The following TOE1 variants were observed in gnomAD, a reference collection of about 807,000 sequenced individuals.
The protein encoded by TOE1 is target of EGR1, exonuclease.
In TOE1, 50 loss-of-function variants were observed where a neutral mutation model predicts 49.2. That is an observed-to-expected ratio of 1.02 (90% confidence interval 0.81 to 1.29). The LOEUF (loss-of-function observed/expected upper bound fraction) is 1.29, where lower values mean the gene tolerates loss of function less well. Among genes scored for constraint, TOE1 ranks in the 50% most tolerant of loss-of-function variants. TOE1 has a pLI of 0.00. For synonymous variants in TOE1, 221 were observed against 247.0 expected (o/e 0.89, Z 0.99); for missense variants, 544 against 654.4 (o/e 0.83, Z 1.84).
chr1:45,341,530 T>G lies in TOE1; in HGVS notation c.294T>G (p.Leu98=), dbSNP rs745680636. The change falls in exon 4 of 8, where the codon CTT becomes CTG. Residue 98 remains leucine (L), a synonymous_variant. Transcript: ENST00000372090. ...ATGCTGCCAGGACCCGTTCTATCCT[T>G]TCCCTGGGCCTCGCCTGCTTCAAGC... ...VCHAARTRSI[L]SLGLACFKRQ... 3.7e-6 allele frequency: 6 copies of G among 1,614,036 alleles called. No homozygotes were observed. In the South Asian group the frequency reaches 6.6e-5, roughly 18 times the overall value.
rs1647067543 is a variant in TOE1, at chr1:45,342,882, A to C, written c.792A>C (p.Pro264=). 1 of 1,613,970 alleles carries C rather than the reference A, an allele frequency of 6.2e-7. No homozygotes were observed. ...ENGKQRAAGS[P]HLTLEFCNYP... is the part of the protein sequence containing the mutation. ...GGAAGCAGCGGGCAGCTGGCAGCCC[A>C]CACCTTACCCTGGAGTTCTGCAACT... Residue 264 remains proline (P), a synonymous_variant, in exon 7 of 8, where the codon CCA becomes CCC. Coordinates refer to ENST00000372090, the MANE Select transcript of TOE1 (RefSeq NM_025077.4).
At position 45,343,649 on chromosome 1, in the gene TOE1, C is replaced by T. The variant is rs372704059; in HGVS notation, c.1480C>T (p.Arg494Cys). 6.2e-6 allele frequency: 10 copies of T among 1,613,450 alleles called. No homozygotes were observed. The highest frequency in any genetic ancestry group is 7.6e-6 in the Non-Finnish European group (9 of 1,179,572). ...CACAGTGGCCAAGAGCCAGTTCTCT[C>T]GTTCCTCCAAAGCCCACAATCAGAA... ...PLTVAKSQFS[R>C]SSKAHNQKMK... is the part of the protein sequence containing the mutation. The change falls in exon 8 of 8, where the codon CGT becomes TGT. Residue 494 changes from arginine (R) to cysteine (C), a missense_variant. Arg to Cys is a radical substitution (Grantham distance 180, BLOSUM62 -3). Transcript: ENST00000372090. This position sits in a 1 kb window ranked among gnomAD's most constrained non-coding sequence, Gnocchi z 4.3.
chr1:45,341,393 G>C, intron 3 of TOE1, 50 bp downstream of exon 3: 4 of 1,614,070 alleles, frequency 2.5e-6, no homozygotes, highest in Non-Finnish European at 3.4e-6. Context: ...CTGTGGAGTG[G>C]GGGGGTCACA....
rs778870256 is a variant in TOE1 at position 45,341,525 on chromosome 1, A to G, written c.289A>G (p.Ile97Val). Reference sequence around the variant, plus strand: ...GTGTCATGCTGCCAGGACCCGTTCTATCCTTTCCCTGGGCCTCGCCTGCTT... The same window carrying G: ...GTGTCATGCTGCCAGGACCCGTTCTGTCCTTTCCCTGGGCCTCGCCTGCTT... Reference protein sequence around the residue: ...AVCHAARTRSILSLGLACFKR... With the variant: ...AVCHAARTRSVLSLGLACFKR... Residue 97 changes from isoleucine (I) to valine (V), a missense_variant, in exon 4 of 8, where the codon ATC (isoleucine) becomes GTC (valine). Ile to Val is a conservative substitution (Grantham distance 29, BLOSUM62 3). Coordinates refer to ENST00000372090, the MANE Select transcript of TOE1 (RefSeq NM_025077.4). 25 of 1,613,962 alleles carry G rather than the reference A, an allele frequency of 1.5e-5. No individual in the cohort carries two copies. Among genetic ancestry groups the G allele is most frequent in the Non-Finnish European group, 2.0e-5 (24 of 1,180,024 alleles).
At position 45,343,388 on chromosome 1, in the gene TOE1, A is replaced by G. The variant is rs1647085480; in HGVS notation, c.1219A>G (p.Ile407Val). The change falls in exon 8 of 8, where the codon ATT becomes GTT. Residue 407 changes from isoleucine to valine, a missense_variant. Coordinates refer to ENST00000372090, the MANE Select transcript of TOE1 (RefSeq NM_025077.4). The surrounding 1 kb of genome is among the most constrained non-coding windows in gnomAD (Gnocchi z 4.3). ...CAACAAAAATGACTTAGAGATGGGG[A>G]TTAAGGCAGCAAGGCCTGAAATAGC... is the stretch of plus-strand genomic sequence containing the variant. ...QGNKNDLEMG[I>V]KAARPEIADR... 2 of 1,613,984 alleles carry G rather than the reference A, an allele frequency of 1.2e-6. No individual in the cohort carries two copies. The highest frequency in any genetic ancestry group is 1.7e-6 in the Non-Finnish European group (2 of 1,180,026).
Position 45,341,349 on chromosome 1 carries a change from T to G in TOE1, c.236+6T>G. The G allele has an allele frequency of 6.2e-7, 1 of 1,614,058 alleles. No individual in the cohort carries two copies. Among genetic ancestry groups the G allele is most frequent in the Non-Finnish European group, 8.5e-7 (1 of 1,180,030 alleles). ...AGGAAGAGTTTGCTGAACCAGTAAG[T>G]ATAAGCCCTTTTCTCTTTAGTGCCA... On this transcript the variant is annotated splice_donor_region_variant and intron_variant, in intron 3 of 7. Transcript: ENST00000372090.
rs61789859 is a variant in TOE1 at position 45,341,261 on chromosome 1, G to A, written c.196-42G>A. 78,808 of 1,614,144 alleles carry A rather than the reference G, an allele frequency of 0.049. 2,214 individuals carry two copies. Among genetic ancestry groups the A allele is most frequent in the Middle Eastern group, 0.12 (747 of 6,058 alleles). On this transcript the variant is annotated intron_variant, in intron 2 of 7. Coordinates refer to ENST00000372090, the MANE Select transcript of TOE1 (RefSeq NM_025077.4). ...AGGGCAGGTGGTTGTGAAGGGGCTG[G>A]TGCTAGAGGCCTGTCACAACTCTCC...
rs1002321565 is a variant in TOE1 at position 45,342,684 on chromosome 1, A to G, written c.752+41A>G. ...AGGGAAAGGGGTGGGGCCTGATACG[A>G]GTTTATTTCATTCACTTAAGATATT... is the stretch of plus-strand genomic sequence containing the variant. On this transcript the variant is annotated intron_variant, in intron 6 of 7. Transcript: ENST00000372090. 5 of 1,607,470 alleles carry G rather than the reference A, an allele frequency of 3.1e-6. No individual in the cohort carries two copies. In the East Asian group the frequency reaches 8.9e-5, roughly 29 times the overall value.
chr1:45,340,528 C>G, intron 1 of TOE1: 1 of 1,419,880 alleles, frequency 7.0e-7, no homozygotes, highest in Admixed American at 2.9e-5. Context: ...GAGATGTAGT[C>G]TGGAGCTCAT....
At chr1:45,340,944 C>G (rs910954591) in intron 1 of TOE1, 129 bp from the exon 2 acceptor site, 57 of 1,369,960 alleles carry the variant, frequency 4.2e-5, no homozygotes, top group East Asian at 2.3e-5. Context: ...ACGTGGGTTA[C>G]AAAGGCTTGT....
At chr1:45,340,365 C>T in intron 1 of TOE1, 61 bp downstream of exon 1, 2 of 1,568,100 alleles carry the variant, frequency 1.3e-6, no homozygotes, top group Non-Finnish European at 1.7e-6. Context: ...GGGAAGGCCT[C>T]GGGCTCATAG....
chr1:45,343,047 T>C lies in TOE1; in HGVS notation c.913-35T>C, dbSNP rs1159871760. 4 of 1,613,448 alleles carry C rather than the reference T, an allele frequency of 2.5e-6. No homozygotes were observed. The highest frequency in any genetic ancestry group is 1.1e-5 in the South Asian group (1 of 91,068). On this transcript the variant is annotated intron_variant, in intron 7 of 7. Transcript: ENST00000372090. The surrounding 1 kb of genome is among the most constrained non-coding windows in gnomAD (Gnocchi z 4.3). ...TCTTGGGAGGGAAGGTTCTGATGCCTGGAGCCTCTTTCTAAGCCTCTTTCC... is the reference window on the plus strand; with the variant it reads ...TCTTGGGAGGGAAGGTTCTGATGCCCGGAGCCTCTTTCTAAGCCTCTTTCC...
chr1:45,343,419 G>A lies in TOE1; in HGVS notation c.1250G>A (p.Arg417Lys). 6.2e-7 allele frequency: 1 copy of A among 1,614,096 alleles called. No individual in the cohort carries two copies. The highest frequency in any genetic ancestry group is 8.5e-7 in the Non-Finnish European group (1 of 1,180,012). Residue 417 changes from arginine (R) to lysine (K), a missense_variant, in exon 8 of 8, where the codon AGA becomes AAA. Transcript: ENST00000372090. This position sits in a 1 kb window ranked among gnomAD's most constrained non-coding sequence, Gnocchi z 4.3. Reference sequence around the variant, plus strand: ...GCAGCAAGGCCTGAAATAGCTGATAGAGCTACCTCAGAAGTGCCAGGGAGC... The same window carrying A: ...GCAGCAAGGCCTGAAATAGCTGATAAAGCTACCTCAGAAGTGCCAGGGAGC... ...IKAARPEIADRATSEVPGSQA... is the reference protein window; with the variant it reads ...IKAARPEIADKATSEVPGSQA...
Position 45,343,824 on chromosome 1 carries a change from T to A in TOE1, c.*122T>A. ...GAATGTCTTGACAGACATCACTGCA[T>A]TGCCCTGGACCGCCTCCTTTATCCC... On this transcript the variant is annotated 3_prime_UTR_variant, in exon 8 of 8. Transcript: ENST00000372090. The surrounding 1 kb of genome is among the most constrained non-coding windows in gnomAD (Gnocchi z 4.3). The A allele has an allele frequency of 2.4e-6, 3 of 1,233,136 alleles. No homozygotes were observed. Among genetic ancestry groups the A allele is most frequent in the South Asian group, 2.9e-5 (2 of 69,016 alleles). The allele number at this position is 1,233,136 out of a possible 1,614,324, so 76.4% of individuals were successfully genotyped here.
Position 45,343,196 on chromosome 1 carries a change from GAA to G in TOE1, c.1031_1032del (p.Lys344ThrfsTer18), listed in dbSNP as rs1253026457. ...EDKRRRRRRR[E>X]KRKRALLNLP... The stretch of plus-strand genomic sequence containing the variant: ...CAAGCGGCGACGGCGACGACGTAGG[GAA>G]AAACGGAAGAGGGCTTTATTGAACC... On this transcript the variant is annotated frameshift_variant, in exon 8 of 8. Transcript: ENST00000372090. LOFTEE classifies it high-confidence loss of function. The surrounding 1 kb of genome is among the most constrained non-coding windows in gnomAD (Gnocchi z 4.3). The G allele has an allele frequency of 6.2e-7, 1 of 1,613,970 alleles. No homozygotes were observed. Among genetic ancestry groups the G allele is most frequent in the Admixed American group, 1.7e-5 (1 of 60,006 alleles).
At chr1:45,340,532 A>T in intron 1 of TOE1, 1 of 1,414,780 alleles carries the variant, frequency 7.1e-7, no homozygotes. Flanking sequence ...TGTAGTCTGG[A>T]GCTCATAACG....
chr1:45,342,003 G>A lies in TOE1; in HGVS notation c.388G>A (p.Glu130Lys). Residue 130 changes from glutamate to lysine, a missense_variant, in exon 5 of 8, where the codon GAG becomes AAG. Transcript: ENST00000372090. ...CAATCTCACTCTGCTGTGCATGGAG[G>A]AGTATGTCATAGAACCAAAGTCTGT... ...VFNLTLLCME[E>K]YVIEPKSVQF... 6.2e-7 allele frequency: 1 copy of A among 1,614,058 alleles called. No individual in the cohort carries two copies. Among genetic ancestry groups the A allele is most frequent in the South Asian group, 1.1e-5 (1 of 91,084 alleles).
chr1:45,341,974 T>C lies in TOE1; in HGVS notation c.359T>C (p.Val120Ala). 1 of 1,614,070 alleles carries C rather than the reference T, an allele frequency of 6.2e-7. No homozygotes were observed. Among genetic ancestry groups the C allele is most frequent in the East Asian group, 2.2e-5 (1 of 44,884 alleles). ...GGTGAACATTCCTATCTGGCTCAAG[T>C]GTTCAATCTCACTCTGCTGTGCATG... ...DKGEHSYLAQVFNLTLLCMEE... is the reference protein window; with the variant it reads ...DKGEHSYLAQAFNLTLLCMEE... The change falls in exon 5 of 8, where the codon GTG (valine) becomes GCG (alanine). Residue 120 changes from valine (V) to alanine (A), a missense_variant. Transcript: ENST00000372090.
chr1:45,340,613 G>A (rs1334766723), intron 1 of TOE1: 2 of 1,317,832 alleles, frequency 1.5e-6, no homozygotes, highest in East Asian at 3.3e-5. Flanking sequence ...AAGGTAGGAC[G>A]TATTGGGAGC....
Sources: allele counts gnomAD v4.1 joint callset, GRCh38; gene constraint gnomAD v4.1.1; non-coding constraint Gnocchi (gnomAD v3.1); transcripts MANE v1.5; gene names NCBI Gene and HGNC (gene_info 2026-07-23, HGNC 2026-07-21).